Variants in CTNND2 observed in about 807,000 individuals in gnomAD.
CTNND2 encodes the protein catenin delta 2.
In CTNND2, 22 loss-of-function variants were observed where a neutral mutation model predicts 144.4. The ratio of observed to expected loss-of-function variants is 0.15; its 90% CI spans 0.11 to 0.22. The LOEUF is 0.22. Among genes scored for constraint, CTNND2 ranks in the 10% least tolerant of loss-of-function variants. The pLI is 1.00. For synonymous variants in CTNND2, 751 were observed against 695.6 expected (o/e 1.08, Z -1.25); for missense variants, 1,353 against 1,618.8 (o/e 0.84, Z 2.82).
intron 17 of CTNND2, among the ~76,000 whole-genome samples, chr5:11,019,176 G>T (rs1741961896): frequency 6.6e-6 from 1 of 152,230 alleles, no homozygotes; most frequent in South Asian, 2.1e-4. Context: ...TTGCAGTAGT[G>T]TGGAACCAAA....
intron 6 of CTNND2, among the ~76,000 whole-genome samples, chr5:11,396,386 A>T (rs934177876): frequency 6.6e-6 from 1 of 152,006 alleles, no homozygotes; most frequent in Non-Finnish European, 1.5e-5. Context: ...AAAAAAAAAA[A>T]TTTCCAGATT....
chr5:11,437,617 A>G (rs1287716468), intron 3 of CTNND2, among the ~76,000 whole-genome samples: 1 of 152,050 alleles, frequency 6.6e-6, no homozygotes, highest in Non-Finnish European at 1.5e-5. Context: ...GGGAAAGAGC[A>G]TTTGGGGTTG....
chr5:11,852,150 C>A (rs1027217230), intron 1 of CTNND2, among the ~76,000 whole-genome samples: 5 of 152,228 alleles, frequency 3.3e-5, no homozygotes, highest in African/African-American at 1.2e-4. Context: ...TTCCCAGCAC[C>A]CACTGTAGGC....
intron 2 of CTNND2, among the ~76,000 whole-genome samples, chr5:11,718,527 G>A (rs182198053): frequency 2.6e-5 from 4 of 151,984 alleles, no homozygotes; most frequent in Admixed American, 2.0e-4. Context: ...GCAGGTGCTG[G>A]GACTTGCAAA....
intron 11 of CTNND2, among the ~76,000 whole-genome samples, chr5:11,164,239 C>G (rs1413119550): frequency 2.0e-5 from 3 of 152,158 alleles, no homozygotes; most frequent in Non-Finnish European, 4.4e-5. Context: ...CTTAGTCATA[C>G]CTGCAAAGTC....
intron 16 of CTNND2, among the ~76,000 whole-genome samples, chr5:11,078,705 C>A (rs1387711413): frequency 6.6e-6 from 1 of 152,098 alleles, no homozygotes; most frequent in Non-Finnish European, 1.5e-5. Context: ...TTTTTTTCTC[C>A]ATTTTTCAGA....
At chr5:11,023,975 G>T in intron 16 of CTNND2, among the ~76,000 whole-genome samples, 1 of 152,242 alleles carries the variant, frequency 6.6e-6, no homozygotes. Flanking sequence ...GAATTGGCAA[G>T]TGCCTAAAGT....
Position 11,903,773 on chromosome 5 carries a change from G to A in CTNND2, c.37+44C>T, listed in dbSNP as rs1348458178. On this transcript the variant is annotated intron_variant, in intron 1 of 21. Coordinates refer to ENST00000304623, the MANE Select transcript of CTNND2 (RefSeq NM_001332.4). This position sits in a 1 kb window ranked among gnomAD's most constrained non-coding sequence, Gnocchi z 5.4. ...GGCAAGAGGAGGAGGACGGCGCCGG[G>A]AGGAGGCTGCGCCCGGCCCCGGCCG... The A allele has an allele frequency of 3.4e-6, 5 of 1,467,248 alleles. No individual in the cohort carries two copies. The East Asian group carries it at 9.1e-5, about 27-fold the overall frequency. The allele number at this position is 1,467,248 out of a possible 1,614,324, so 90.9% of individuals were successfully genotyped here.
chr5:11,230,258 C>T (rs1358575899), intron 10 of CTNND2, among the ~76,000 whole-genome samples: 2 of 149,046 alleles, frequency 1.3e-5, no homozygotes, highest in African/African-American at 5.0e-5. Context: ...GGGAGATATA[C>T]CTAATGCTAG....
intron 9 of CTNND2, among the ~76,000 whole-genome samples, chr5:11,240,309 T>TACACCCAACACACAC (rs1345738121): frequency 4.4e-5 from 1 of 22,604 alleles, no homozygotes; most frequent in African/African-American, 1.7e-4. Context: ...CCAACACACA[T>TACACCCAACACACAC]ACACCCAACA....
intron 9 of CTNND2, among the ~76,000 whole-genome samples, chr5:11,344,195 G>A (rs976288395): frequency 1.4e-4 from 21 of 152,206 alleles, no homozygotes; most frequent in Non-Finnish European, 2.5e-4. Context: ...ACGAGGTCAG[G>A]AGATCGAGAC....
At chr5:11,723,944 T>G (rs1219981240) in intron 2 of CTNND2, among the ~76,000 whole-genome samples, 1 of 151,960 alleles carries the variant, frequency 6.6e-6, no homozygotes, top group African/African-American at 2.4e-5. Context: ...TAGTCCCAGC[T>G]GCTCGGGAGC....
intron 3 of CTNND2, among the ~76,000 whole-genome samples, chr5:11,414,600 C>A (rs190195348): frequency 3.3e-5 from 5 of 152,190 alleles, no homozygotes; most frequent in South Asian, 4.1e-4. Flanking sequence ...AACTCAAATT[C>A]TTTTCTTTAA....
rs961039205 is a variant in CTNND2, at chr5:11,528,124, A to G, written c.287+36820T>C. On this transcript the variant is annotated intron_variant, in intron 3 of 21. Coordinates refer to ENST00000304623, the MANE Select transcript of CTNND2 (RefSeq NM_001332.4). Reference sequence around the variant, plus strand: ...ATGTCATTTTCACAATGGGTCCCCAAGCCTGGGAATCTCATACAGGGTTCA... The same window carrying G: ...ATGTCATTTTCACAATGGGTCCCCAGGCCTGGGAATCTCATACAGGGTTCA... Among the ~76,000 whole-genome samples the G allele has an allele frequency of 7.2e-5, 11 of 152,222 alleles. 1 individual carries two copies. The East Asian group carries it at 2.1e-3, about 29-fold the overall frequency.
chr5:11,403,150 A>G (rs1175035757), intron 5 of CTNND2, among the ~76,000 whole-genome samples: 1 of 152,170 alleles, frequency 6.6e-6, no homozygotes, highest in Admixed American at 6.6e-5. Context: ...CCTGTCATCT[A>G]GGTTTTAAGC....
intron 10 of CTNND2, among the ~76,000 whole-genome samples, chr5:11,230,770 G>A (rs1740912884): frequency 6.6e-6 from 1 of 152,120 alleles, no homozygotes; most frequent in African/African-American, 2.4e-5. Context: ...TACTGCCTAT[G>A]TGACTACACT....
chr5:11,735,098 A>G (rs927878043), intron 1 of CTNND2, among the ~76,000 whole-genome samples: 1 of 152,222 alleles, frequency 6.6e-6, no homozygotes, highest in Non-Finnish European at 1.5e-5. Flanking sequence ...GCAAAGAGTT[A>G]GAATCAGATT....
intron 7 of CTNND2, among the ~76,000 whole-genome samples, chr5:11,381,886 A>G (rs920283360): frequency 2.0e-5 from 3 of 152,284 alleles, no homozygotes; most frequent in South Asian, 2.1e-4. Context: ...AGAATGGCGT[A>G]AACCTGGGAG....
chr5:11,676,339 T>C (rs759846692), intron 2 of CTNND2, among the ~76,000 whole-genome samples: 8 of 152,110 alleles, frequency 5.3e-5, no homozygotes, highest in Non-Finnish European at 8.8e-5. Flanking sequence ...TGAGAAATTC[T>C]TAGCATCCTG....
Sources: gnomAD v4.1 joint callset for allele counts (sites outside exome capture counted in the v4.1 genomes callset) on GRCh38, gnomAD v4.1.1 for gene constraint, Gnocchi (gnomAD v3.1) non-coding constraint, MANE v1.5 for transcripts, NCBI Gene and HGNC (gene_info 2026-07-23, HGNC 2026-07-21) for gene names.